Variants in RYR3 observed in about 807,000 individuals in gnomAD.
RYR3 encodes brain ryanodine receptor-calcium release channel.
Under a neutral mutation model 584.3 loss-of-function variants are expected in RYR3, and 207 were observed. The observed-to-expected ratio is 0.35, with a 90% CI of 0.32 to 0.40. The LOEUF (loss-of-function observed/expected upper bound fraction) is 0.40, where lower values mean the gene tolerates loss of function less well. Among genes scored for constraint, RYR3 ranks in the 10% least tolerant of loss-of-function variants. The pLI, the probability that RYR3 is intolerant of heterozygous loss-of-function variation, is 1.00. For missense variants in RYR3, 5,616 were observed against 6,089.2 expected, an observed-to-expected ratio of 0.92 and a Z score of 2.59; for synonymous variants, 2,416 against 2,248.5, an observed-to-expected ratio of 1.07 and a Z score of -2.11.
Position 33,865,908 on chromosome 15 carries a change from T to C in RYR3, c.*682T>C, listed in dbSNP as rs1567378995. The stretch of plus-strand genomic sequence containing the variant: ...TTGAAGGTTATTCATACAAGTTTTT[T>C]TAGTAACAGCTGTCAGTCAACTGCT... On this transcript the variant is annotated 3_prime_UTR_variant, in exon 104 of 104. Coordinates refer to ENST00000634891, the MANE Select transcript of RYR3 (RefSeq NM_001036.6). 2 of 152,732 alleles carry C rather than the reference T, an allele frequency of 1.3e-5. No individual in the cohort carries two copies. The highest frequency in any genetic ancestry group is 2.9e-5 in the Non-Finnish European group (2 of 68,102). 9.5% of individuals were successfully genotyped at this position (152,732 alleles called of 1,614,324 possible).
At position 33,780,348 on chromosome 15, in the gene RYR3, A is replaced by T. The variant is rs769290660; in HGVS notation, c.9268+7A>T. On this transcript the variant is annotated splice_region_variant and intron_variant, in intron 65 of 103. Coordinates refer to ENST00000634891, the MANE Select transcript of RYR3 (RefSeq NM_001036.6). ...ACCCCCAGGGAGAGGTCTAGTAAGT[A>T]TCTCCCCTCAAAGGTCATCAACCCA... 19 of 1,613,310 alleles carry T rather than the reference A, an allele frequency of 1.2e-5. No individual in the cohort carries two copies. The highest frequency in any genetic ancestry group is 1.5e-5 in the Non-Finnish European group (18 of 1,179,524).
intron 81 of RYR3, 102 bp from the exon 82 acceptor site, chr15:33,825,501 C>T (rs2077328705): frequency 2.8e-6 from 2 of 722,990 alleles, no homozygotes; most frequent in Non-Finnish European, 4.8e-6. Flanking sequence ...TTTACGATAA[C>T]ACAGGGGCAG....
intron 1 of RYR3, among the ~76,000 whole-genome samples, chr15:33,353,182 T>C (rs148369250): frequency 2.0e-3 from 298 of 152,304 alleles, no homozygotes; most frequent in Non-Finnish European, 3.1e-3. Context: ...GTGGGGAAGA[T>C]AGTAATATAC....
intron 36 of RYR3, among the ~76,000 whole-genome samples, chr15:33,664,020 C>T (rs2063320270): frequency 6.6e-6 from 1 of 152,122 alleles, no homozygotes; most frequent in Non-Finnish European, 1.5e-5. Flanking sequence ...AAGACCAGAC[C>T]ACTGTTGGGA....
At chr15:33,599,178 A>G (rs1053147967) in intron 16 of RYR3, among the ~76,000 whole-genome samples, 2 of 122,630 alleles carry the variant, frequency 1.6e-5, no homozygotes, top group Admixed American at 8.7e-5. Flanking sequence ...GGTTTAAGCC[A>G]TAAGTTAGCT....
chr15:33,431,264 A>G (rs1307357153), intron 1 of RYR3, among the ~76,000 whole-genome samples: 1 of 152,206 alleles, frequency 6.6e-6, no homozygotes, highest in Non-Finnish European at 1.5e-5. Flanking sequence ...TGGAGCAGCT[A>G]AACAGAATGA....
intron 5 of RYR3, 85 bp downstream of exon 5, chr15:33,533,474 A>G (rs1595478624): frequency 1.1e-6 from 1 of 936,426 alleles, no homozygotes; most frequent in East Asian, 2.6e-5. Context: ...TGCGTTACTC[A>G]TTTGGGATTC....
At chr15:33,787,016 T>A (rs1006224510) in intron 66 of RYR3, among the ~76,000 whole-genome samples, 8 of 152,350 alleles carry the variant, frequency 5.3e-5, no homozygotes, top group Non-Finnish European at 1.0e-4. Flanking sequence ...TTGGTAAATC[T>A]GAATTAAGGG....
At chr15:33,312,026 C>T (rs1363455387) in intron 1 of RYR3, among the ~76,000 whole-genome samples, 1 of 152,200 alleles carries the variant, frequency 6.6e-6, no homozygotes, top group Non-Finnish European at 1.5e-5. Context: ...CCCTACTCAG[C>T]CTCAGTTTCC....
chr15:33,672,418 CAGG>C (rs1480613860), intron 38 of RYR3, among the ~76,000 whole-genome samples: 1 of 152,226 alleles, frequency 6.6e-6, no homozygotes, highest in Non-Finnish European at 1.5e-5. Flanking sequence ...TTCCCTTCCA[CAGG>C]AGGAGTTATG....
At chr15:33,593,814 T>G (rs1409497916) in intron 16 of RYR3, among the ~76,000 whole-genome samples, 1 of 152,192 alleles carries the variant, frequency 6.6e-6, no homozygotes, top group Non-Finnish European at 1.5e-5. Context: ...AAACATAATT[T>G]TTCTCTCTGC....
chr15:33,559,857 A>G (rs2057308748), intron 10 of RYR3, among the ~76,000 whole-genome samples: 1 of 152,242 alleles, frequency 6.6e-6, no homozygotes, highest in Non-Finnish European at 1.5e-5. Flanking sequence ...AGAGATGCCA[A>G]GGTGAGGCTG....
At chr15:33,773,139 A>G (rs2073720514) in intron 63 of RYR3, among the ~76,000 whole-genome samples, 1 of 152,224 alleles carries the variant, frequency 6.6e-6, no homozygotes, top group Non-Finnish European at 1.5e-5. Flanking sequence ...AGGCTCATTC[A>G]AGCTTCAGAT....
chr15:33,769,032 C>A, intron 61 of RYR3, 80 bp from the exon 62 acceptor site: 2 of 1,051,302 alleles, frequency 1.9e-6, no homozygotes, highest in Middle Eastern at 2.0e-4. Flanking sequence ...GGGGCTGTGG[C>A]TTGTGCATAT....
intron 18 of RYR3, among the ~76,000 whole-genome samples, chr15:33,612,286 G>A (rs1250792145): frequency 2.0e-5 from 3 of 152,156 alleles, no homozygotes; most frequent in South Asian, 4.1e-4. Flanking sequence ...AGTATAACTG[G>A]CAATGTGTTT....
At chr15:33,588,045 G>A (rs2058944141) in intron 16 of RYR3, among the ~76,000 whole-genome samples, 1 of 152,120 alleles carries the variant, frequency 6.6e-6, no homozygotes, top group African/African-American at 2.4e-5. Flanking sequence ...AAGCCACAAG[G>A]GACCTCAGAA....
At chr15:33,626,899 G>A (rs986288106) in intron 20 of RYR3, among the ~76,000 whole-genome samples, 1 of 152,108 alleles carries the variant, frequency 6.6e-6, no homozygotes, top group Admixed American at 6.5e-5. Flanking sequence ...TGTCCAAGCA[G>A]AAGTTTGCTA....
intron 60 of RYR3, among the ~76,000 whole-genome samples, chr15:33,759,946 G>C (rs2152865536): frequency 6.6e-6 from 1 of 152,302 alleles, no homozygotes; most frequent in East Asian, 1.9e-4. Context: ...AGATCTCTCA[G>C]CAGAAACCCT....
chr15:33,431,623 A>G (rs2045154879), intron 1 of RYR3, among the ~76,000 whole-genome samples: 1 of 151,978 alleles, frequency 6.6e-6, no homozygotes, highest in Admixed American at 6.6e-5. Flanking sequence ...AAATTTAACC[A>G]GGCATGGTGG....
Sources: allele counts gnomAD v4.1 joint callset (sites outside exome capture counted in the v4.1 genomes callset), GRCh38; gene constraint gnomAD v4.1.1; transcripts MANE v1.5; gene names NCBI Gene and HGNC (gene_info 2026-07-23, HGNC 2026-07-21).